The following ARHGAP27 variants were observed in gnomAD, a reference collection of about 807,000 sequenced individuals.
ARHGAP27 encodes rho GTPase-activating protein 27.
A neutral mutation model predicts 102.0 loss-of-function variants in ARHGAP27; 53 were observed. That is an observed-to-expected ratio of 0.52 (90% CI 0.42 to 0.65). The LOEUF (loss-of-function observed/expected upper bound fraction) is 0.65, where lower values mean the gene tolerates loss of function less well. Ranked by LOEUF, ARHGAP27 falls within the 30% of genes least tolerant of loss-of-function variation. The probability of loss-of-function intolerance (pLI) is 0.00; values close to 1 mark genes in which losing one functional copy is unlikely to be tolerated. For synonymous variants in ARHGAP27, 525 were observed against 542.8 expected, an observed-to-expected ratio of 0.97 and a Z score of 0.46; for missense variants, 1,117 against 1,256.2, an observed-to-expected ratio of 0.89 and a Z score of 1.68.
chr17:45,396,714 C>G lies in ARHGAP27; in HGVS notation c.2028G>C (p.Gln676His). 6.2e-7 allele frequency: 1 copy of G among 1,613,868 alleles called. No homozygotes were observed. The highest frequency in any genetic ancestry group is 1.1e-5 in the South Asian group (1 of 91,088). The change falls in exon 15 of 20, where the codon CAG (glutamine) becomes CAC (histidine). Residue 676 changes from glutamine to histidine, a missense_variant. By Grantham distance (24) the Gln-to-His change is conservative. Coordinates refer to ENST00000685559, the MANE Select transcript of ARHGAP27 (RefSeq NM_001282290.2). ...GCAGCGACTGCAGTGTGGGCCGCCT[C>G]TGGAGGAACTTGCGGAGCTTGTGCC... ...KVRHKLRKFLQRRPTLQSLRE... is the reference protein window; with the variant it reads ...KVRHKLRKFLHRRPTLQSLRE...
chr17:45,429,962 G>C lies in ARHGAP27; in HGVS notation c.318C>G (p.Pro106=). 2 of 1,136,694 alleles carry C rather than the reference G, an allele frequency of 1.8e-6. No individual in the cohort carries two copies. Among genetic ancestry groups the C allele is most frequent in the Non-Finnish European group, 1.1e-6 (1 of 928,754 alleles). 70.4% of individuals were successfully genotyped at this position (1,136,694 alleles called of 1,614,324 possible). A position where few individuals can be genotyped will look rare whatever the true frequency, so the allele number is the denominator to read the frequency against. Residue 106 remains proline (P), a synonymous_variant, in exon 4 of 20, where the codon CCC becomes CCG. Transcript: ENST00000685559. ...CTCCGGACTCCTCGGGGGCGCCGTCGGGGCCCGCGGTCGCCGCCGCGCTCA... is the reference window on the plus strand; with the variant it reads ...CTCCGGACTCCTCGGGGGCGCCGTCCGGGCCCGCGGTCGCCGCCGCGCTCA... ...RFVSAAATAG[P]DGAPEESGGR...
chr17:45,396,757 C>T lies in ARHGAP27; in HGVS notation c.1985G>A (p.Ser662Asn). ...CTTGTGCCGGACCTTGCTCAAGTCG[C>T]TCTCCAGGCCCACGGGGCCCAGGGC... ...APALGPVGLE[S>N]DLSKVRHKLR... The change falls in exon 15 of 20, where the codon AGC becomes AAC. Residue 662 changes from serine to asparagine, a missense_variant. This residue lies in a region of ARHGAP27 where 493 missense variants were observed against 505.5 expected (regional missense o/e 0.98). Transcript: ENST00000685559. 1 of 1,613,638 alleles carries T rather than the reference C, an allele frequency of 6.2e-7. No individual in the cohort carries two copies. The highest frequency in any genetic ancestry group is 8.5e-7 in the Non-Finnish European group (1 of 1,179,714).
rs1340257030 is a variant in ARHGAP27 at position 45,404,981 on chromosome 17, A to T, written c.1191T>A (p.Ser397=). 6.2e-7 allele frequency: 1 copy of T among 1,614,064 alleles called. No individual in the cohort carries two copies. The highest frequency in any genetic ancestry group is 8.5e-7 in the Non-Finnish European group (1 of 1,179,998). The change falls in exon 6 of 20, where the codon TCT becomes TCA. Residue 397 remains serine, a synonymous_variant. Coordinates refer to ENST00000685559, the MANE Select transcript of ARHGAP27 (RefSeq NM_001282290.2). ...TCTGCTTGTCCTGGCTGACATGACAAGACCAGCCGGGGGGTGTGGTCAAGG... is the reference window on the plus strand; with the variant it reads ...TCTGCTTGTCCTGGCTGACATGACATGACCAGCCGGGGGGTGTGGTCAAGG... ...TSPLTTPPGW[S]CHVSQDKQML... is the part of the protein sequence containing the mutation.
intron 4 of ARHGAP27, among the ~76,000 whole-genome samples, chr17:45,417,289 C>A (rs796704695): frequency 1.8e-4 from 27 of 151,384 alleles, no homozygotes; most frequent in South Asian, 1.0e-3. Context: ...CATGGCGAAA[C>A]CCCTCCTCTA....
At chr17:45,416,038 T>G (rs1254948976) in intron 4 of ARHGAP27, among the ~76,000 whole-genome samples, 5 of 151,942 alleles carry the variant, frequency 3.3e-5, no homozygotes, top group East Asian at 1.9e-4. Flanking sequence ...TTTTGTTTTT[T>G]TTTTTTGTTT....
intron 4 of ARHGAP27, chr17:45,410,343 C>A (rs1470095634): frequency 7.7e-6 from 11 of 1,435,154 alleles, no homozygotes; most frequent in Non-Finnish European, 1.0e-5. Flanking sequence ...GGGGGTAGAG[C>A]CCAGGGGCAC....
rs1211990999 is a variant in ARHGAP27 at position 45,427,988 on chromosome 17, C to A, written c.657+1635G>T. Among the ~76,000 whole-genome samples, 1 of 152,224 alleles carries A rather than the reference C, an allele frequency of 6.6e-6. No individual in the cohort carries two copies. The highest frequency in any genetic ancestry group is 1.5e-5 in the Non-Finnish European group (1 of 68,026). On this transcript the variant is annotated intron_variant, in intron 4 of 19. Coordinates refer to ENST00000685559, the MANE Select transcript of ARHGAP27 (RefSeq NM_001282290.2). This position sits in a 1 kb window ranked among gnomAD's most constrained non-coding sequence, Gnocchi z 4.5. The stretch of plus-strand genomic sequence containing the variant: ...TTGGTCCTGGGGCCTGGGGTGTTGG[C>A]CCTTGCAGACCTACAGAGCCCTGGC...
In ARHGAP27 at chr17:45,404,262, T is replaced by C. The variant is rs760004293; in HGVS notation, c.1479+7A>G. ...CCACCTGGCTGGGGGTAGGGGGTGATGCCTACCCTCACAGCAGCTGTGGCA... is the reference window on the plus strand; with the variant it reads ...CCACCTGGCTGGGGGTAGGGGGTGACGCCTACCCTCACAGCAGCTGTGGCA... On this transcript the variant is annotated splice_region_variant and intron_variant, in intron 9 of 19. Transcript: ENST00000685559. 1.9e-6 allele frequency: 3 copies of C among 1,613,792 alleles called. No homozygotes were observed. The East Asian group carries it at 6.7e-5, about 36-fold the overall frequency.
intron 4 of ARHGAP27, among the ~76,000 whole-genome samples, chr17:45,422,671 G>A (rs572359464): frequency 1.3e-5 from 2 of 152,176 alleles, no homozygotes; most frequent in Non-Finnish European, 2.9e-5. Context: ...TGACAGCGTC[G>A]TAGTTAAATA....
At chr17:45,429,461 C>G in intron 4 of ARHGAP27, 162 bp downstream of exon 4, 1 of 1,469,354 alleles carries the variant, frequency 6.8e-7, no homozygotes, top group Non-Finnish European at 8.9e-7. Flanking sequence ...GTGCACCCCT[C>G]ACGTTTCGCG....
In ARHGAP27 at chr17:45,397,327, C is replaced by T. The variant is rs977072408; in HGVS notation, c.1843-303G>A. ...CTTCTTTCTCTATTTTCCTCAGCTC[C>T]TCTAACTGGGTCAGCATTCCTCAAT... On this transcript the variant is annotated intron_variant, in intron 13 of 19. Coordinates refer to ENST00000685559, the MANE Select transcript of ARHGAP27 (RefSeq NM_001282290.2). 1.2e-5 allele frequency: 15 copies of T among 1,283,748 alleles called. No homozygotes were observed. In the African/African-American group the frequency reaches 2.0e-4, roughly 17 times the overall value. The allele number at this position is 1,283,748 out of a possible 1,614,324, so 79.5% of individuals were successfully genotyped here.
At chr17:45,413,398 C>A (rs867392618) in intron 4 of ARHGAP27, among the ~76,000 whole-genome samples, 7 of 152,172 alleles carry the variant, frequency 4.6e-5, no homozygotes, top group Admixed American at 1.3e-4. Context: ...AGAGTGGAGC[C>A]GGAGACCAGA....
chr17:45,416,778 A>C (rs1024467285), intron 4 of ARHGAP27, among the ~76,000 whole-genome samples: 1 of 149,560 alleles, frequency 6.7e-6, no homozygotes, highest in Non-Finnish European at 1.5e-5. Flanking sequence ...CAAACTCCTG[A>C]CCTTGTGATT....
At chr17:45,400,807 C>T (rs770320435) in intron 12 of ARHGAP27, among the ~76,000 whole-genome samples, 4 of 151,970 alleles carry the variant, frequency 2.6e-5, no homozygotes, top group Non-Finnish European at 5.9e-5. Context: ...CCCAGCTACT[C>T]GGGACGCTGA....
intron 4 of ARHGAP27, chr17:45,410,168 C>T: frequency 6.6e-7 from 1 of 1,517,878 alleles, no homozygotes; most frequent in South Asian, 1.2e-5. Context: ...CCCAGCTCAC[C>T]CAGCTCCTAA....
Position 45,404,261 on chromosome 17 carries a change from A to G in ARHGAP27, c.1479+8T>C, listed in dbSNP as rs2046844841. On this transcript the variant is annotated splice_region_variant and intron_variant, in intron 9 of 19. Coordinates refer to ENST00000685559, the MANE Select transcript of ARHGAP27 (RefSeq NM_001282290.2). Reference sequence around the variant, plus strand: ...ACCACCTGGCTGGGGGTAGGGGGTGATGCCTACCCTCACAGCAGCTGTGGC... The same window carrying G: ...ACCACCTGGCTGGGGGTAGGGGGTGGTGCCTACCCTCACAGCAGCTGTGGC... 6.2e-7 allele frequency: 1 copy of G among 1,613,690 alleles called. No individual in the cohort carries two copies. The highest frequency in any genetic ancestry group is 1.3e-5 in the African/African-American group (1 of 74,898).
chr17:45,407,554 G>T (rs1191853289), intron 4 of ARHGAP27: 3 of 141,294 alleles, frequency 2.1e-5, no homozygotes, highest in Admixed American at 7.7e-5. Flanking sequence ...TCGCTCTGTC[G>T]TCCAGACTGG....
At position 45,406,017 on chromosome 17, in the gene ARHGAP27, C is replaced by T; in HGVS notation, c.724G>A (p.Ala242Thr). The change falls in exon 5 of 20, where the codon GCC becomes ACC. Residue 242 changes from alanine (A) to threonine (T), a missense_variant. By Grantham distance (58) the Ala-to-Thr change is moderately conservative. Transcript: ENST00000685559. ...ERQPRATSPG[A>T]AAAPLPSPVW... is the part of the protein sequence containing the mutation. ...GGGCTGGGAAGGGGGGCTGCAGCGG[C>T]GCCCGGTGAAGTGGCCCGGGGCTGC... The T allele has an allele frequency of 9.1e-6, 14 of 1,534,970 alleles. No individual in the cohort carries two copies. Among genetic ancestry groups the T allele is most frequent in the Non-Finnish European group, 1.0e-5 (12 of 1,146,244 alleles).
At position 45,404,081 on chromosome 17, in the gene ARHGAP27, T is replaced by C. The variant is rs1555554748; in HGVS notation, c.1495A>G (p.Lys499Glu). 6.2e-7 allele frequency: 1 copy of C among 1,614,142 alleles called. No individual in the cohort carries two copies. Among genetic ancestry groups the C allele is most frequent in the Non-Finnish European group, 8.5e-7 (1 of 1,180,032 alleles). ...TAAVRTKTLD[K>E]AGVLHRTKTA... ...TTGGTGCGATGGAGCACCCCTGCCTTGTCCAAGGTCTTGGTCTAAGAGAGA... is the reference window on the plus strand; with the variant it reads ...TTGGTGCGATGGAGCACCCCTGCCTCGTCCAAGGTCTTGGTCTAAGAGAGA... The change falls in exon 10 of 20, where the codon AAG (lysine) becomes GAG (glutamate). Residue 499 changes from lysine to glutamate, a missense_variant. Physicochemically the swap from Lys to Glu is moderately conservative, Grantham distance 56. Around this residue, in one of 3 missense-constraint regions of ARHGAP27, gnomAD observed 610 missense variants for 716.4 expected, o/e 0.85. Transcript: ENST00000685559.
Sources: allele counts gnomAD v4.1 joint callset (sites outside exome capture counted in the v4.1 genomes callset), GRCh38; gene constraint gnomAD v4.1.1; regional missense constraint gnomAD v4.1.1; non-coding constraint Gnocchi (gnomAD v3.1); transcripts MANE v1.5; gene names NCBI Gene and HGNC (gene_info 2026-07-23, HGNC 2026-07-21).